OR11G2: variants seen among roughly 807,000 people sequenced by gnomAD.
OR11G2 encodes the protein olfactory receptor 11G2.
Under a neutral mutation model 0.9 loss-of-function variants are expected in OR11G2, and 2 were observed. The ratio of observed to expected loss-of-function variants is 2.35; its 90% CI spans 0.96 to 7.38. OR11G2 has a LOEUF of 7.38. Among genes scored for constraint, OR11G2 ranks in the 30% most tolerant of loss-of-function variants. The probability of loss-of-function intolerance (pLI) is 0.05; values close to 1 mark genes in which losing one functional copy is unlikely to be tolerated. For synonymous variants in OR11G2, 153 were observed against 142.0 expected (o/e 1.08, Z -0.55); for missense variants, 395 against 371.3 (o/e 1.06, Z -0.52).
intron 1 of OR11G2, among the ~76,000 whole-genome samples, chr14:20,195,676 G>A (rs765396100): frequency 7.2e-5 from 11 of 152,104 alleles, no homozygotes; most frequent in South Asian, 2.1e-4. Context: ...ACTTGCTGCC[G>A]GCATCTTTTG....
At position 20,200,349 on chromosome 14, in the gene OR11G2, G is replaced by C. The variant is rs1299932450; in HGVS notation, c.*1976G>C. The C allele has an allele frequency of 1.3e-5, 2 of 152,056 alleles. No homozygotes were observed. The highest frequency in any genetic ancestry group is 2.9e-5 in the Non-Finnish European group (2 of 67,996). 9.4% of individuals were successfully genotyped at this position (152,056 alleles called of 1,614,324 possible). ...AGAGAACAGAACAGTATCCCAGTAA[G>C]AAAATGAGCAAAAGGATATAAACGA... On this transcript the variant is annotated 3_prime_UTR_variant, in exon 2 of 2. Transcript: ENST00000641879.
At position 20,191,495 on chromosome 14, in the gene OR11G2, T is replaced by C. The variant is rs1310244201; in HGVS notation, c.-176T>C. On this transcript the variant is annotated 5_prime_UTR_variant, in exon 1 of 2. Coordinates refer to ENST00000641879, the MANE Select transcript of OR11G2 (RefSeq NM_001386033.1). ...TTGTTTGGAAAGTTAATTGACCCAA[T>C]CCAAGCATCCTGTACAGCATCCACA... 1 of 152,188 alleles carries C rather than the reference T, an allele frequency of 6.6e-6. No homozygotes were observed. The highest frequency in any genetic ancestry group is 6.5e-5 in the Admixed American group (1 of 15,280). The allele number at this position is 152,188 out of a possible 1,614,324, so 9.4% of individuals were successfully genotyped here. A position where few individuals can be genotyped will look rare whatever the true frequency, so the allele number is the denominator to read the frequency against.
rs192843031 is a variant in OR11G2 at position 20,198,454 on chromosome 14, C to T, written c.*81C>T. ...AAAAAAAAAACTGGTCTTGGCCAGG[C>T]GCGGTGGCTTACGCCTGTAATCCCA... On this transcript the variant is annotated 3_prime_UTR_variant, in exon 2 of 2. Transcript: ENST00000641879. 1,012 of 1,047,080 alleles carry T rather than the reference C, an allele frequency of 9.7e-4. 7 individuals carry two copies. The highest frequency in any genetic ancestry group is 8.5e-3 in the African/African-American group (536 of 62,708). 64.9% of individuals were successfully genotyped at this position (1,047,080 alleles called of 1,614,324 possible).
In OR11G2 at chr14:20,197,697, C is replaced by T. The variant is rs1879786601; in HGVS notation, c.260C>T (p.Ala87Val). ...YVTSTVPSML[A>V]NFLSDTKIIS... ...ACCTCCACAGTCCCCAGCATGCTGG[C>T]CAACTTCCTCTCTGACACCAAGATC... Residue 87 changes from alanine (A) to valine (V), a missense_variant, in exon 2 of 2, where the codon GCC becomes GTC. Transcript: ENST00000641879. 2.5e-6 allele frequency: 4 copies of T among 1,613,896 alleles called. No individual in the cohort carries two copies. The highest frequency in any genetic ancestry group is 3.4e-6 in the Non-Finnish European group (4 of 1,179,850).
intron 1 of OR11G2, among the ~76,000 whole-genome samples, chr14:20,192,819 T>G (rs1390059692): frequency 1.3e-5 from 2 of 152,186 alleles, no homozygotes. Context: ...GAACTTGAAG[T>G]ACAAGAGCAA....
Position 20,194,839 on chromosome 14 carries a change from G to T in OR11G2, c.-4-2595G>T, listed in dbSNP as rs112683943. 5.8e-3 allele frequency among the ~76,000 whole-genome samples: 885 copies of T among 152,272 alleles called. 9 individuals are homozygous for T. The highest frequency in any genetic ancestry group is 0.02 in the African/African-American group (847 of 41,540). ...TTTAAAACACCCTACAAAGGCAAAG[G>T]TGTGACATAGAAATGACTAAATGCT... On this transcript the variant is annotated intron_variant, in intron 1 of 1. Coordinates refer to ENST00000641879, the MANE Select transcript of OR11G2 (RefSeq NM_001386033.1).
chr14:20,197,357 G>T (rs755560704), intron 1 of OR11G2, 77 bp from the exon 2 acceptor site: 3 of 1,548,708 alleles, frequency 1.9e-6, no homozygotes, highest in South Asian at 1.2e-5. Flanking sequence ...TTCCCAAAAT[G>T]ATTTAAATAT....
intron 1 of OR11G2, among the ~76,000 whole-genome samples, chr14:20,193,520 T>A (rs1309881873): frequency 1.3e-5 from 2 of 152,252 alleles, no homozygotes; most frequent in Non-Finnish European, 2.9e-5. Context: ...GTTAGCAAAC[T>A]ATATCCAATG....
intron 1 of OR11G2, among the ~76,000 whole-genome samples, chr14:20,192,963 A>G (rs1879684535): frequency 6.6e-6 from 1 of 152,198 alleles, no homozygotes; most frequent in Non-Finnish European, 1.5e-5. Context: ...GGAGACAGTC[A>G]GAGAGGCAAA....
rs756663982 is a variant in OR11G2, at chr14:20,197,551, T to G, written c.114T>G (p.Val38=). Residue 38 remains valine, a synonymous_variant, in exon 2 of 2, where the codon GTT becomes GTG. Coordinates refer to ENST00000641879, the MANE Select transcript of OR11G2 (RefSeq NM_001386033.1). ...QILLFVLFTV[V]YLLTLMGNGS... is the part of the protein sequence containing the mutation. The stretch of plus-strand genomic sequence containing the variant: ...TCCTCTTTGTGCTCTTCACTGTTGT[T>G]TACCTCCTGACCCTCATGGGCAATG... 2.0e-5 allele frequency: 33 copies of G among 1,614,038 alleles called. No individual in the cohort carries two copies. The highest frequency in any genetic ancestry group is 2.7e-5 in the Non-Finnish European group (32 of 1,180,016).
chr14:20,198,096 G>C lies in OR11G2; in HGVS notation c.659G>C (p.Gly220Ala), dbSNP rs1448273579. 1 of 1,613,956 alleles carries C rather than the reference G, an allele frequency of 6.2e-7. No individual in the cohort carries two copies. The highest frequency in any genetic ancestry group is 2.2e-5 in the East Asian group (1 of 44,844). ...TTTATGCTCTTTCTCTTCATTGTGG[G>C]GTCCTATGCTCTGGTCGTGAGAGCT... ...PVFMLFLFIV[G>A]SYALVVRAVL... The change falls in exon 2 of 2, where the codon GGG becomes GCG. Residue 220 changes from glycine to alanine, a missense_variant. Physicochemically the swap from Gly to Ala is moderately conservative, Grantham distance 60 (BLOSUM62 0). Coordinates refer to ENST00000641879, the MANE Select transcript of OR11G2 (RefSeq NM_001386033.1).
rs1302991392 is a variant in OR11G2, at chr14:20,198,342, G to A, written c.905G>A (p.Arg302Lys). 1 of 1,572,298 alleles carries A rather than the reference G, an allele frequency of 6.4e-7. No homozygotes were observed. The highest frequency in any genetic ancestry group is 8.6e-7 in the Non-Finnish European group (1 of 1,164,170). ...VIYSLRNKDM[R>K]KALKKFWGT ...TATAGTCTTAGGAACAAAGATATGAGAAAAGCTCTGAAGAAATTTTGGGGA... is the reference window on the plus strand; with the variant it reads ...TATAGTCTTAGGAACAAAGATATGAAAAAAGCTCTGAAGAAATTTTGGGGA... The change falls in exon 2 of 2, where the codon AGA becomes AAA. Residue 302 changes from arginine to lysine, a missense_variant. Transcript: ENST00000641879.
At chr14:20,193,601 GT>G (rs1357371053) in intron 1 of OR11G2, among the ~76,000 whole-genome samples, 1 of 152,158 alleles carries the variant, frequency 6.6e-6, no homozygotes, top group Non-Finnish European at 1.5e-5. Flanking sequence ...TTTTTAATAT[GT>G]TTAAAAATTG....
At position 20,199,005 on chromosome 14, in the gene OR11G2, T is replaced by G. The variant is rs889092927; in HGVS notation, c.*632T>G. ...TGATTCTATTTAAGCACTACTTGTATGTGTTTTTAAAATGATCTGTGCTCG... is the reference window on the plus strand; with the variant it reads ...TGATTCTATTTAAGCACTACTTGTAGGTGTTTTTAAAATGATCTGTGCTCG... On this transcript the variant is annotated 3_prime_UTR_variant, in exon 2 of 2. Coordinates refer to ENST00000641879, the MANE Select transcript of OR11G2 (RefSeq NM_001386033.1). 1 of 152,338 alleles carries G rather than the reference T, an allele frequency of 6.6e-6. No individual in the cohort carries two copies. The highest frequency in any genetic ancestry group is 2.4e-5 in the African/African-American group (1 of 41,568). The allele number at this position is 152,338 out of a possible 1,614,324, so 9.4% of individuals were successfully genotyped here. A position where few individuals can be genotyped will look rare whatever the true frequency, so the allele number is the denominator to read the frequency against.
At chr14:20,193,423 G>A (rs1024965026) in intron 1 of OR11G2, among the ~76,000 whole-genome samples, 2 of 152,122 alleles carry the variant, frequency 1.3e-5, no homozygotes, top group Non-Finnish European at 2.9e-5. Flanking sequence ...TCTAACAAAG[G>A]TATTTGCCTC....
At chr14:20,194,839 G>A (rs112683943) in intron 1 of OR11G2, among the ~76,000 whole-genome samples, 12 of 152,276 alleles carry the variant, frequency 7.9e-5, no homozygotes, top group Non-Finnish European at 1.6e-4. Context: ...AAAGGCAAAG[G>A]TGTGACATAG....
chr14:20,194,607 C>A (rs1215461442), intron 1 of OR11G2, among the ~76,000 whole-genome samples: 1 of 152,142 alleles, frequency 6.6e-6, no homozygotes, highest in Non-Finnish European at 1.5e-5. Flanking sequence ...AATGCCTAAG[C>A]ATTATTAGTA....
At position 20,191,844 on chromosome 14, in the gene OR11G2, C is replaced by A. The variant is rs925863850; in HGVS notation, c.-5+178C>A. On this transcript the variant is annotated intron_variant, in intron 1 of 1. Transcript: ENST00000641879. ...AAAAATTGCCCTGAGGGGGAACTTG[C>A]CTGGAAATTTTGCCTTCGTGTATAA... Among the ~76,000 whole-genome samples, 4 of 151,414 alleles carry A rather than the reference C, an allele frequency of 2.6e-5. No individual in the cohort carries two copies. The South Asian group carries it at 8.4e-4, about 32-fold the overall frequency.
In OR11G2 at chr14:20,200,900, G is replaced by C. The variant is rs974033895; in HGVS notation, c.*2527G>C. The C allele has an allele frequency of 3.9e-5, 6 of 152,202 alleles. No individual in the cohort carries two copies. Among genetic ancestry groups the C allele is most frequent in the Admixed American group, 2.0e-4 (3 of 15,272 alleles). 9.4% of individuals were successfully genotyped at this position (152,202 alleles called of 1,614,324 possible). On this transcript the variant is annotated 3_prime_UTR_variant, in exon 2 of 2. Transcript: ENST00000641879. ...TGAAAAAAGCAAAGTGAATAGCAGAGTGTATTGTAGCTGCCTTCCATGGAA... is the reference window on the plus strand; with the variant it reads ...TGAAAAAAGCAAAGTGAATAGCAGACTGTATTGTAGCTGCCTTCCATGGAA...
Sources: allele counts gnomAD v4.1 joint callset (sites outside exome capture counted in the v4.1 genomes callset), GRCh38; gene constraint gnomAD v4.1.1; transcripts MANE v1.5; gene names NCBI Gene and HGNC (gene_info 2026-07-23, HGNC 2026-07-21).